The following FOCAD variants were observed in gnomAD, a reference collection of about 807,000 sequenced individuals.
The protein encoded by FOCAD is KIAA1797.
A neutral mutation model predicts 225.6 loss-of-function variants in FOCAD; 198 were observed. The observed-to-expected ratio is 0.88, with a 90% CI of 0.78 to 0.99. The LOEUF is 0.99. FOCAD is among the 50% of genes least tolerant of loss of function. The pLI, the probability that FOCAD is intolerant of heterozygous loss-of-function variation, is 0.00. For synonymous variants in FOCAD, 897 were observed against 755.0 expected (o/e 1.19, Z -3.08); for missense variants, 2,713 against 2,123.6 (o/e 1.28, Z -5.46).
Position 20,923,657 on chromosome 9 carries a change from C to T in FOCAD, c.2853-3C>T. On this transcript the variant is annotated splice_polypyrimidine_tract_variant and splice_region_variant and intron_variant, in intron 24 of 43. Coordinates refer to ENST00000338382, the MANE Select transcript of FOCAD (RefSeq NM_001375567.1). ...CTGTTGAAATTTTTTTCCTTTTGAA[C>T]AGGGAGAGTCCGGTAGTGAAAGGCA... 1 of 1,612,692 alleles carries T rather than the reference C, an allele frequency of 6.2e-7. No homozygotes were observed. Among genetic ancestry groups the T allele is most frequent in the Non-Finnish European group, 8.5e-7 (1 of 1,178,988 alleles).
rs375277727 is a variant in FOCAD at position 20,778,696 on chromosome 9, C to T, written c.922C>T (p.Leu308=). ...ELLKEDFPVE[L]VIIGIALLLL... ...ATTCTTTTAGGATTTTCCTGTTGAA[C>T]TGGTCATAATTGGAATAGCTTTACT... Residue 308 remains leucine (L), a synonymous_variant, in exon 9 of 44, where the codon CTG becomes TTG. Transcript: ENST00000338382. 269 of 1,609,186 alleles carry T rather than the reference C, an allele frequency of 1.7e-4. No homozygotes were observed. Among genetic ancestry groups the T allele is most frequent in the Non-Finnish European group, 2.1e-4 (246 of 1,176,134 alleles).
chr9:20,790,750 C>A (rs1237538471), intron 11 of FOCAD, among the ~76,000 whole-genome samples: 1 of 151,992 alleles, frequency 6.6e-6, no homozygotes, highest in Non-Finnish European at 1.5e-5. Context: ...CAGCCTGGGA[C>A]TCTGTCTCAA....
intron 10 of FOCAD, among the ~76,000 whole-genome samples, chr9:20,784,546 A>G (rs1819719480): frequency 6.6e-6 from 1 of 152,180 alleles, no homozygotes. Flanking sequence ...CTTAAAAGCT[A>G]AATTCTTGTA....
chr9:20,990,224 G>T lies in FOCAD; in HGVS notation c.5106G>T (p.Trp1702Cys). The T allele has an allele frequency of 6.2e-7, 1 of 1,614,170 alleles. No homozygotes were observed. Among genetic ancestry groups the T allele is most frequent in the Non-Finnish European group, 8.5e-7 (1 of 1,180,022 alleles). ...LLGLSASWLP[W>C]HQENGPAGPV... is the part of the protein sequence containing the mutation. ...GCCTCAGTGCCAGTTGGTTGCCATGGCATCAGGAGAATGGCCCGGCTGGGC... is the reference window on the plus strand; with the variant it reads ...GCCTCAGTGCCAGTTGGTTGCCATGTCATCAGGAGAATGGCCCGGCTGGGC... Residue 1702 changes from tryptophan (W) to cysteine (C), a missense_variant, in exon 42 of 44, where the codon TGG becomes TGT. Trp to Cys is a radical substitution (Grantham distance 215). Transcript: ENST00000338382.
intron 4 of FOCAD, among the ~76,000 whole-genome samples, chr9:20,734,645 G>A (rs541554495): frequency 5.5e-4 from 83 of 151,296 alleles, no homozygotes; most frequent in African/African-American, 1.8e-3. Flanking sequence ...GTATAATATT[G>A]TCTTTTTTTT....
intron 5 of FOCAD, among the ~76,000 whole-genome samples, chr9:20,754,608 A>G (rs1353871500): frequency 6.6e-6 from 1 of 151,854 alleles, no homozygotes; most frequent in Non-Finnish European, 1.5e-5. Flanking sequence ...TGTGCCTTCC[A>G]TAGTGCTTGT....
At chr9:20,759,727 G>A (rs1306033973) in intron 6 of FOCAD, among the ~76,000 whole-genome samples, 1 of 152,102 alleles carries the variant, frequency 6.6e-6, no homozygotes, top group Non-Finnish European at 1.5e-5. Context: ...CAGATTTATT[G>A]GTTGTTGAAA....
At chr9:20,883,027 G>T (rs1830807700) in intron 20 of FOCAD, among the ~76,000 whole-genome samples, 1 of 152,122 alleles carries the variant, frequency 6.6e-6, no homozygotes, top group African/African-American at 2.4e-5. Context: ...TTAGGTTGAG[G>T]TAATCAGTCC....
intron 15 of FOCAD, among the ~76,000 whole-genome samples, chr9:20,839,705 C>T (rs547165539): frequency 2.0e-4 from 30 of 151,766 alleles, no homozygotes; most frequent in African/African-American, 2.4e-4. Flanking sequence ...AAGGGGTACA[C>T]GAGATATTTT....
chr9:20,847,642 A>G (rs569885789), intron 15 of FOCAD, among the ~76,000 whole-genome samples: 1 of 152,114 alleles, frequency 6.6e-6, no homozygotes, highest in African/African-American at 2.4e-5. Context: ...ATAAGAGTAC[A>G]TAAGATATCC....
chr9:20,700,458 A>G (rs1244543745), intron 1 of FOCAD, among the ~76,000 whole-genome samples: 1 of 151,560 alleles, frequency 6.6e-6, no homozygotes, highest in African/African-American at 2.4e-5. Context: ...TTACTGGTGT[A>G]GATTCTGCTG....
At chr9:20,836,533 G>C (rs1372337021) in intron 15 of FOCAD, among the ~76,000 whole-genome samples, 1 of 152,042 alleles carries the variant, frequency 6.6e-6, no homozygotes, top group Non-Finnish European at 1.5e-5. Flanking sequence ...GATGCCTTCA[G>C]TTCTTCCTGG....
intron 10 of FOCAD, among the ~76,000 whole-genome samples, chr9:20,787,806 C>G (rs951050504): frequency 6.6e-6 from 1 of 151,878 alleles, no homozygotes; most frequent in African/African-American, 2.4e-5. Context: ...ATCTTTTTCT[C>G]CTCACTCTCT....
chr9:20,974,135 T>C (rs962322149), intron 35 of FOCAD, among the ~76,000 whole-genome samples: 5 of 148,592 alleles, frequency 3.4e-5, no homozygotes, highest in Non-Finnish European at 6.0e-5. Context: ...TTCTCCTTTT[T>C]CCTATGTTTC....
At chr9:20,948,737 C>T (rs1390881774) in intron 31 of FOCAD, 114 bp from the exon 32 acceptor site, 3 of 1,119,866 alleles carry the variant, frequency 2.7e-6, no homozygotes, top group Non-Finnish European at 4.0e-6. Flanking sequence ...TTACGTTGAC[C>T]CTATAAGTTT....
intron 15 of FOCAD, among the ~76,000 whole-genome samples, chr9:20,858,457 T>C (rs1230648354): frequency 6.6e-6 from 1 of 152,142 alleles, no homozygotes; most frequent in Non-Finnish European, 1.5e-5. Context: ...TAATGTCCCC[T>C]TTTTCATCTC....
intron 5 of FOCAD, among the ~76,000 whole-genome samples, chr9:20,753,472 G>A (rs1324013841): frequency 1.3e-5 from 2 of 151,824 alleles, no homozygotes; most frequent in African/African-American, 4.8e-5. Context: ...TTATTGATTT[G>A]CGTATATTGA....
At chr9:20,731,061 C>T (rs886129326) in intron 4 of FOCAD, among the ~76,000 whole-genome samples, 4 of 152,122 alleles carry the variant, frequency 2.6e-5, no homozygotes, top group East Asian at 3.9e-4. Flanking sequence ...CATGGCAAAA[C>T]CCCATCTCTA....
intron 11 of FOCAD, among the ~76,000 whole-genome samples, chr9:20,797,316 G>C (rs181313597): frequency 6.6e-6 from 1 of 152,002 alleles, no homozygotes; most frequent in African/African-American, 2.4e-5. Context: ...TTTTGGTTCC[G>C]TATGAACTTT....
Sources: gnomAD v4.1 joint callset for allele counts (sites outside exome capture counted in the v4.1 genomes callset) on GRCh38, gnomAD v4.1.1 for gene constraint, MANE v1.5 for transcripts, NCBI Gene and HGNC (gene_info 2026-07-23, HGNC 2026-07-21) for gene names.